The following SARDH variants were observed in gnomAD, a reference collection of about 807,000 sequenced individuals.
SARDH encodes the protein sarcosine dehydrogenase, mitochondrial.
In SARDH, 95 loss-of-function variants were observed where a neutral mutation model predicts 109.1. The ratio of observed to expected loss-of-function variants is 0.87; its 90% CI spans 0.74 to 1.03. The LOEUF (loss-of-function observed/expected upper bound fraction) is 1.03, where lower values mean the gene tolerates loss of function less well. Among genes scored for constraint, SARDH ranks in the 50% least tolerant of loss-of-function variants. The pLI is 0.00. For synonymous variants in SARDH, 572 were observed against 534.8 expected (o/e 1.07, Z -0.96); for missense variants, 1,267 against 1,287.8 (o/e 0.98, Z 0.25).
intron 19 of SARDH, among the ~76,000 whole-genome samples, chr9:133,667,523 A>C (rs983302842): frequency 1.2e-4 from 18 of 152,114 alleles, no homozygotes; most frequent in Non-Finnish European, 5.9e-5. Context: ...TACTACATGT[A>C]ATACATGAAT....
chr9:133,718,444 C>A lies in SARDH; in HGVS notation c.1020+494G>T. On this transcript the variant is annotated intron_variant, in intron 7 of 20. Coordinates refer to ENST00000439388, the MANE Select transcript of SARDH (RefSeq NM_001134707.2). The surrounding 1 kb of genome is among the most constrained non-coding windows in gnomAD (Gnocchi z 4.2). ...AGTCAGGGACTTTTATCTTAGTTTC[C>A]CTCTTTCTCCAGAAATTAAAGCAGT... is the stretch of plus-strand genomic sequence containing the variant. 4 of 499,576 alleles carry A rather than the reference C, an allele frequency of 8.0e-6. No homozygotes were observed. The South Asian group carries it at 1.3e-4, about 16-fold the overall frequency. The allele number at this position is 499,576 out of a possible 1,614,324, so 30.9% of individuals were successfully genotyped here.
At chr9:133,673,356 T>C (rs1457698308) in intron 17 of SARDH, among the ~76,000 whole-genome samples, 7 of 152,158 alleles carry the variant, frequency 4.6e-5, no homozygotes, top group Admixed American at 3.9e-4. Flanking sequence ...ACCAGAGAGC[T>C]CACAAAAGGA....
chr9:133,733,980 C>A lies in SARDH; in HGVS notation c.194G>T (p.Ser65Ile), dbSNP rs777817486. 1 of 1,612,216 alleles carries A rather than the reference C, an allele frequency of 6.2e-7. No homozygotes were observed. The highest frequency in any genetic ancestry group is 8.5e-7 in the Non-Finnish European group (1 of 1,179,564). ...VAQGPSRPLP[S>I]TANVVVIGGG... is the part of the protein sequence containing the mutation. ...ACCAATGACCACCACGTTGGCCGTG[C>A]TGGGCAGGGGCCGGCTTGGGCCTTG... Residue 65 changes from serine (S) to isoleucine (I), a missense_variant, in exon 2 of 21, where the codon AGC becomes ATC. Transcript: ENST00000439388.
At chr9:133,697,544 T>G (rs150388005) in intron 13 of SARDH, among the ~76,000 whole-genome samples, 2 of 152,198 alleles carry the variant, frequency 1.3e-5, no homozygotes, top group East Asian at 3.9e-4. Flanking sequence ...GTAAATCAAA[T>G]CCAACAACAT....
At chr9:133,662,602 T>TA (rs1829917666), downstream of SARDH, among the ~76,000 whole-genome samples, 1 of 152,230 alleles carries the variant, frequency 6.6e-6, no homozygotes, top group African/African-American at 2.4e-5. This position sits in a 1 kb window ranked among gnomAD's most constrained non-coding sequence, Gnocchi z 5.1. Context: ...CAGCCATCTG[T>TA]AACCCAAACG....
At chr9:133,661,216 T>C (rs1296278355), downstream of SARDH, among the ~76,000 whole-genome samples, 2 of 151,808 alleles carry the variant, frequency 1.3e-5, no homozygotes, top group Non-Finnish European at 2.9e-5. Context: ...TGGTGCGCGT[T>C]TGTAATCCTA....
intron 6 of SARDH, among the ~76,000 whole-genome samples, chr9:133,726,631 C>G (rs947513893): frequency 4.6e-5 from 7 of 152,150 alleles, no homozygotes; most frequent in Admixed American, 1.3e-4. Context: ...CAGTGGAGCC[C>G]TGGCCTTTCT....
chr9:133,718,780 A>G lies in SARDH; in HGVS notation c.1020+158T>C. The G allele has an allele frequency of 1.3e-6, 1 of 788,264 alleles. No individual in the cohort carries two copies. The highest frequency in any genetic ancestry group is 2.3e-6 in the Non-Finnish European group (1 of 426,544). 48.8% of individuals were successfully genotyped at this position (788,264 alleles called of 1,614,324 possible). A position where few individuals can be genotyped will look rare whatever the true frequency, so the allele number is the denominator to read the frequency against. ...TGCCTGCCAGGACCGTCAGGGTAAGAGCAAGATGGCTTTGAGCTTGGTGGG... is the reference window on the plus strand; with the variant it reads ...TGCCTGCCAGGACCGTCAGGGTAAGGGCAAGATGGCTTTGAGCTTGGTGGG... On this transcript the variant is annotated intron_variant, in intron 7 of 20. Transcript: ENST00000439388. The surrounding 1 kb of genome is among the most constrained non-coding windows in gnomAD (Gnocchi z 4.2).
chr9:133,703,092 A>C (rs1357844928), intron 12 of SARDH, 63 bp from the exon 13 acceptor site: 2 of 1,440,954 alleles, frequency 1.4e-6, no homozygotes, highest in African/African-American at 2.8e-5. Context: ...CCCTCCCCAG[A>C]GCGGGGTCCC....
At chr9:133,730,413 C>T (rs1832636414) in intron 4 of SARDH, among the ~76,000 whole-genome samples, 2 of 150,968 alleles carry the variant, frequency 1.3e-5, no homozygotes, top group Admixed American at 1.3e-4. Context: ...AGTTCTTTCA[C>T]TTGACTTGTG....
chr9:133,693,303 C>T lies in SARDH; in HGVS notation c.1921+955G>A, dbSNP rs1178455360. 6.6e-6 allele frequency among the ~76,000 whole-genome samples: 1 copy of T among 152,166 alleles called. No individual in the cohort carries two copies. Among genetic ancestry groups the T allele is most frequent in the Non-Finnish European group, 1.5e-5 (1 of 68,026 alleles). ...CCGAAGGTGCGGGTTATGAGCTGAT[C>T]ATGAATGAGCCCCTTTCTCCCCTTG... On this transcript the variant is annotated intron_variant, in intron 15 of 20. Transcript: ENST00000439388. This position sits in a 1 kb window ranked among gnomAD's most constrained non-coding sequence, Gnocchi z 5.6.
At chr9:133,725,657 C>A in intron 6 of SARDH, 2 of 237,552 alleles carry the variant, frequency 8.4e-6, no homozygotes, top group Non-Finnish European at 1.7e-5. Context: ...GTGTGGGCAA[C>A]AAAGTGAAAC....
chr9:133,665,885 C>A (rs1830047811), intron 20 of SARDH, among the ~76,000 whole-genome samples: 1 of 152,378 alleles, frequency 6.6e-6, no homozygotes, highest in Admixed American at 6.5e-5. Context: ...GCCAGGCCAG[C>A]ACCTCCCGGC....
In SARDH at chr9:133,666,844, G is replaced by T; in HGVS notation, c.2522C>A (p.Ala841Asp). The change falls in exon 20 of 21, where the codon GCC (alanine) becomes GAC (aspartate). Residue 841 changes from alanine to aspartate, a missense_variant. Ala to Asp is a moderately radical substitution (Grantham distance 126). Coordinates refer to ENST00000439388, the MANE Select transcript of SARDH (RefSeq NM_001134707.2). The surrounding 1 kb of genome is among the most constrained non-coding windows in gnomAD (Gnocchi z 5.2). ...CACCACTTGGCCGTTCCTCCAGATG[G>T]CCTCCAGGCCAAACATGGGTACTTT... Reference protein sequence around the residue: ...EDKVPMFGLEAIWRNGQVVGH... With the variant: ...EDKVPMFGLEDIWRNGQVVGH... The T allele has an allele frequency of 6.2e-7, 1 of 1,611,864 alleles. No homozygotes were observed. The highest frequency in any genetic ancestry group is 8.5e-7 in the Non-Finnish European group (1 of 1,179,290).
At chr9:133,706,944 T>C (rs986968792) in intron 11 of SARDH, among the ~76,000 whole-genome samples, 1 of 152,144 alleles carries the variant, frequency 6.6e-6, no homozygotes, top group Non-Finnish European at 1.5e-5. Flanking sequence ...CCTGCCTGCC[T>C]GGGATTCTGA....
rs1318778234 is a variant in SARDH, at chr9:133,666,779, T to G, written c.2587A>C (p.Lys863Gln). ...TGGATGTAACCGTAGGCGATGGTCT[T>G]GTCGATGGCGAACCCAAAGTCAGCC... ...RRADFGFAID[K>Q]TIAYGYIHDP... Residue 863 changes from lysine (K) to glutamine (Q), a missense_variant, in exon 20 of 21, where the codon AAG becomes CAG. Transcript: ENST00000439388. This position sits in a 1 kb window ranked among gnomAD's most constrained non-coding sequence, Gnocchi z 5.2. The G allele has an allele frequency of 1.2e-6, 2 of 1,602,946 alleles. No homozygotes were observed. The highest frequency in any genetic ancestry group is 3.4e-5 in the Admixed American group (2 of 58,362).
rs1304110377 is a variant in SARDH at position 133,671,522 on chromosome 9, A to G, written c.2326+13T>C. ...CCCGCCCCCGCCCCGTGCTGTCCAG[A>G]CCCTGCACTCACCTTTCTCAATGCT... On this transcript the variant is annotated intron_variant, in intron 18 of 20. Transcript: ENST00000439388. 1.3e-6 allele frequency: 2 copies of G among 1,599,458 alleles called. No individual in the cohort carries two copies. Among genetic ancestry groups the G allele is most frequent in the African/African-American group, 2.7e-5 (2 of 74,416 alleles).
At chr9:133,672,477 T>C (rs1410114957) in intron 17 of SARDH, among the ~76,000 whole-genome samples, 1 of 152,210 alleles carries the variant, frequency 6.6e-6, no homozygotes, top group African/African-American at 2.4e-5. Flanking sequence ...AGCCCAGCTT[T>C]ATCTGTTTCA....
chr9:133,659,716 G>A (rs758261964), downstream of SARDH, among the ~76,000 whole-genome samples: 10 of 152,136 alleles, frequency 6.6e-5, no homozygotes, highest in African/African-American at 1.4e-4. Flanking sequence ...TCTGCCTCAC[G>A]TTGTATAAAT....
Sources: gnomAD v4.1 joint callset for allele counts (sites outside exome capture counted in the v4.1 genomes callset) on GRCh38, gnomAD v4.1.1 for gene constraint, Gnocchi (gnomAD v3.1) non-coding constraint, MANE v1.5 for transcripts, NCBI Gene and HGNC (gene_info 2026-07-23, HGNC 2026-07-21) for gene names.